The following CSMD3 variants were observed in gnomAD, a reference collection of about 807,000 sequenced individuals.
The protein encoded by CSMD3 is CUB and Sushi multiple domains 3, also known as CUB and sushi domain-containing protein 3.
CSMD3 carries 177 observed loss-of-function variants against 435.2 expected under a neutral mutation model. The observed-to-expected ratio is 0.41, with a 90% CI of 0.36 to 0.46. The LOEUF is 0.46. CSMD3 is among the 20% of genes least tolerant of loss of function. The probability of loss-of-function intolerance (pLI) is 0.34; values close to 1 mark genes in which losing one functional copy is unlikely to be tolerated. For missense variants in CSMD3, 4,265 were observed against 4,504.6 expected, an observed-to-expected ratio of 0.95 and a Z score of 1.52; for synonymous variants, 1,656 against 1,520.5, an observed-to-expected ratio of 1.09 and a Z score of -2.07.
chr8:112,324,330 G>A (rs889860078), intron 45 of CSMD3, among the ~76,000 whole-genome samples: 1 of 151,946 alleles, frequency 6.6e-6, no homozygotes, highest in African/African-American at 2.4e-5. Context: ...ATTGGTTCAC[G>A]TTCCGCGTAT....
intron 32 of CSMD3, among the ~76,000 whole-genome samples, chr8:112,424,190 A>T (rs1044195669): frequency 3.3e-5 from 5 of 152,180 alleles, no homozygotes; most frequent in Non-Finnish European, 5.9e-5. Context: ...ATAATTAACG[A>T]TTCAAAGCCC....
intron 4 of CSMD3, among the ~76,000 whole-genome samples, chr8:113,110,296 A>G (rs1286104317): frequency 6.6e-6 from 1 of 152,034 alleles, no homozygotes; most frequent in Non-Finnish European, 1.5e-5. Context: ...CCATCTTTCT[A>G]TCATTTCTTT....
At chr8:112,598,869 C>A (rs570944522) in intron 22 of CSMD3, among the ~76,000 whole-genome samples, 1 of 152,290 alleles carries the variant, frequency 6.6e-6, no homozygotes, top group South Asian at 2.1e-4. Flanking sequence ...AAAATCAATT[C>A]AAGATGGATT....
chr8:113,082,003 G>A (rs942515039), intron 5 of CSMD3, among the ~76,000 whole-genome samples: 1 of 152,120 alleles, frequency 6.6e-6, no homozygotes, highest in African/African-American at 2.4e-5. Context: ...GGGGATCTGA[G>A]AACTGGCCCA....
At chr8:113,145,789 T>G (rs953067113) in intron 4 of CSMD3, among the ~76,000 whole-genome samples, 1 of 151,650 alleles carries the variant, frequency 6.6e-6, no homozygotes, top group Non-Finnish European at 1.5e-5. Context: ...GATGTCTTTA[T>G]GGATAAATGA....
At chr8:112,308,689 T>C (rs1180931005) in intron 50 of CSMD3, among the ~76,000 whole-genome samples, 1 of 152,054 alleles carries the variant, frequency 6.6e-6, no homozygotes, top group Non-Finnish European at 1.5e-5. Context: ...GATTGTTCAA[T>C]TTTTGAGGGG....
intron 63 of CSMD3, 131 bp downstream of exon 63, chr8:112,254,122 T>TTTTG: frequency 1.3e-6 from 1 of 787,940 alleles, no homozygotes; most frequent in Non-Finnish European, 2.3e-6. Context: ...TGCTGTCTGT[T>TTTTG]ACCCTTTTTA....
intron 5 of CSMD3, chr8:113,098,528 C>T (rs1286985112): frequency 9.4e-6 from 5 of 529,830 alleles, no homozygotes; most frequent in Non-Finnish European, 1.7e-5. Flanking sequence ...CTGTAGATTA[C>T]AATAGGAATA....
intron 1 of CSMD3, among the ~76,000 whole-genome samples, chr8:113,384,229 T>A: frequency 6.6e-6 from 1 of 152,188 alleles, no homozygotes; most frequent in East Asian, 1.9e-4. Context: ...AGAAAATATC[T>A]TGTTTATCTT....
At chr8:112,362,362 T>C (rs1232503137) in intron 38 of CSMD3, among the ~76,000 whole-genome samples, 1 of 152,004 alleles carries the variant, frequency 6.6e-6, no homozygotes, top group Non-Finnish European at 1.5e-5. Context: ...ACATTTACCT[T>C]GATCCTTAAT....
intron 11 of CSMD3, among the ~76,000 whole-genome samples, chr8:112,855,603 G>A (rs963513067): frequency 1.4e-4 from 22 of 151,878 alleles, no homozygotes; most frequent in Non-Finnish European, 2.9e-5. Flanking sequence ...ATAGATGGAT[G>A]GATGAATGAC....
At chr8:112,495,972 C>T (rs1355361062) in intron 30 of CSMD3, among the ~76,000 whole-genome samples, 1 of 151,584 alleles carries the variant, frequency 6.6e-6, no homozygotes, top group African/African-American at 2.4e-5. Flanking sequence ...TAGAAGTGAA[C>T]ATACACAATA....
intron 7 of CSMD3, among the ~76,000 whole-genome samples, chr8:112,970,395 C>CAAAAA (rs11284034): frequency 4.1e-3 from 330 of 81,118 alleles, no homozygotes; most frequent in Non-Finnish European, 4.9e-3. Context: ...GACTCCCTCT[C>CAAAAA]AAAAAAAAAA....
chr8:113,321,296 A>G (rs549562021), intron 1 of CSMD3, among the ~76,000 whole-genome samples: 13 of 152,148 alleles, frequency 8.5e-5, no homozygotes, highest in Admixed American at 1.3e-4. Context: ...TTGTTTTTAT[A>G]TTGCTGAGCC....
intron 10 of CSMD3, among the ~76,000 whole-genome samples, chr8:112,875,345 T>A (rs988756762): frequency 1.3e-5 from 2 of 152,312 alleles, no homozygotes; most frequent in African/African-American, 4.8e-5. Flanking sequence ...CTGCCTACAC[T>A]TAACATTTTT....
chr8:113,037,623 A>C (rs1330820371), intron 5 of CSMD3, among the ~76,000 whole-genome samples: 1 of 152,098 alleles, frequency 6.6e-6, no homozygotes, highest in Non-Finnish European at 1.5e-5. Flanking sequence ...AAAATGACAA[A>C]TGTATTGGTA....
intron 13 of CSMD3, among the ~76,000 whole-genome samples, chr8:112,734,563 C>T (rs980311754): frequency 2.0e-5 from 3 of 151,948 alleles, no homozygotes; most frequent in Admixed American, 1.3e-4. Context: ...ATTAGTTCTT[C>T]TAATCGGGGC....
chr8:112,306,285 AC>A, intron 50 of CSMD3, 93 bp from the exon 51 acceptor site: 2 of 901,884 alleles, frequency 2.2e-6, no homozygotes. Context: ...TGCAAAACTA[AC>A]GGGGATTTTT....
chr8:113,100,699 T>A (rs1480447), intron 4 of CSMD3, among the ~76,000 whole-genome samples: 2 of 151,976 alleles, frequency 1.3e-5, no homozygotes, highest in African/African-American at 4.8e-5. Context: ...TAGCTCAATG[T>A]AGCCATTCCA....
Sources: gnomAD v4.1 joint callset for allele counts (sites outside exome capture counted in the v4.1 genomes callset) on GRCh38, gnomAD v4.1.1 for gene constraint, MANE v1.5 for transcripts, NCBI Gene and HGNC (gene_info 2026-07-23, HGNC 2026-07-21) for gene names.